Variants in CTNNA3 observed in about 807,000 individuals in gnomAD.
CTNNA3 encodes the protein catenin alpha 3, also known as catenin alpha-3.
In CTNNA3, 76 loss-of-function variants were observed where a neutral mutation model predicts 95.7. That is an observed-to-expected ratio of 0.79 (90% CI 0.66 to 0.96). The LOEUF is 0.96. Among genes scored for constraint, CTNNA3 ranks in the 40% least tolerant of loss-of-function variants. The pLI is 0.00. For synonymous variants in CTNNA3, 431 were observed against 374.4 expected (o/e 1.15, Z -1.74); for missense variants, 1,191 against 1,089.8 (o/e 1.09, Z -1.31).
chr10:65,999,162 C>A (rs2893976), intron 15 of CTNNA3, among the ~76,000 whole-genome samples: 1 of 151,896 alleles, frequency 6.6e-6, no homozygotes, highest in African/African-American at 2.4e-5. Context: ...CTAGATGTTA[C>A]GTACATGGTT....
chr10:67,744,805 A>C (rs1841364759), intron 1 of CTNNA3, among the ~76,000 whole-genome samples: 1 of 152,168 alleles, frequency 6.6e-6, no homozygotes, highest in Non-Finnish European at 1.5e-5. Context: ...CAAATTTACA[A>C]GAAAAAAACA....
chr10:66,131,172 T>A (rs1379420041), intron 13 of CTNNA3, among the ~76,000 whole-genome samples: 1 of 151,886 alleles, frequency 6.6e-6, no homozygotes, highest in Non-Finnish European at 1.5e-5. Flanking sequence ...CTACTGAAAC[T>A]TTTCCAAAAA....
chr10:66,889,052 T>C (rs1305939941), intron 7 of CTNNA3, among the ~76,000 whole-genome samples: 1 of 152,210 alleles, frequency 6.6e-6, no homozygotes, highest in Non-Finnish European at 1.5e-5. Flanking sequence ...TGAAATGAGC[T>C]ATCCAGCCAT....
chr10:67,034,804 A>G (rs1197216090), intron 7 of CTNNA3, among the ~76,000 whole-genome samples: 4 of 152,274 alleles, frequency 2.6e-5, no homozygotes, highest in Admixed American at 2.6e-4. Context: ...CCAACCTACC[A>G]TATCAGTCTT....
chr10:66,044,236 C>T (rs1293063525), intron 15 of CTNNA3, among the ~76,000 whole-genome samples: 1 of 152,184 alleles, frequency 6.6e-6, no homozygotes, highest in African/African-American at 2.4e-5. Context: ...AGGTGATCTA[C>T]CGCCTTGGCC....
chr10:66,703,550 C>T (rs918368879), intron 9 of CTNNA3, among the ~76,000 whole-genome samples: 1 of 152,150 alleles, frequency 6.6e-6, no homozygotes, highest in Non-Finnish European at 1.5e-5. Flanking sequence ...CCTTGAGCCT[C>T]TGGTATAAAT....
At chr10:66,284,472 C>T (rs183670270) in intron 12 of CTNNA3, among the ~76,000 whole-genome samples, 1 of 151,866 alleles carries the variant, frequency 6.6e-6, no homozygotes, top group East Asian at 1.9e-4. Context: ...AATTGCTGCT[C>T]TCCTGGGGGA....
intron 14 of CTNNA3, among the ~76,000 whole-genome samples, chr10:66,089,993 T>C (rs968118546): frequency 6.6e-6 from 1 of 152,028 alleles, no homozygotes; most frequent in Non-Finnish European, 1.5e-5. Context: ...CAGTAGTTTC[T>C]AATTTCATCA....
chr10:67,670,019 G>GT (rs1199214137), intron 1 of CTNNA3, among the ~76,000 whole-genome samples: 1 of 152,202 alleles, frequency 6.6e-6, no homozygotes, highest in Non-Finnish European at 1.5e-5. Context: ...AATAAACTGA[G>GT]TATTTTTTGG....
chr10:66,976,916 A>G (rs779991085), intron 7 of CTNNA3, among the ~76,000 whole-genome samples: 1 of 152,188 alleles, frequency 6.6e-6, no homozygotes, highest in Non-Finnish European at 1.5e-5. Context: ...TGATGTGCTT[A>G]TCATTTGGTT....
chr10:66,134,162 A>G (rs1164807925), intron 13 of CTNNA3, among the ~76,000 whole-genome samples: 3 of 152,114 alleles, frequency 2.0e-5, no homozygotes, highest in Non-Finnish European at 4.4e-5. Context: ...AACTCATAAA[A>G]ACCAAGAAAA....
intron 15 of CTNNA3, among the ~76,000 whole-genome samples, chr10:66,063,776 A>G (rs1402235629): frequency 6.6e-6 from 1 of 151,994 alleles, no homozygotes. Flanking sequence ...CATTTATTCT[A>G]TTTAATTCTA....
chr10:66,109,462 A>G (rs1255989563), intron 13 of CTNNA3, among the ~76,000 whole-genome samples: 1 of 152,174 alleles, frequency 6.6e-6, no homozygotes, highest in Non-Finnish European at 1.5e-5. Flanking sequence ...CATGAGATAT[A>G]ATTAAATATG....
intron 1 of CTNNA3, among the ~76,000 whole-genome samples, chr10:67,715,244 G>C (rs1476997726): frequency 1.3e-5 from 2 of 152,262 alleles, no homozygotes; most frequent in South Asian, 2.1e-4. Context: ...TTCAATAAAT[G>C]GTAGCTATTT....
chr10:65,970,992 T>C (rs1434316081), intron 16 of CTNNA3, among the ~76,000 whole-genome samples: 3 of 151,368 alleles, frequency 2.0e-5, no homozygotes, highest in Non-Finnish European at 4.4e-5. Flanking sequence ...ACCTCTCTTT[T>C]TTTTTTTTTA....
At chr10:67,485,466 T>C (rs929831618) in intron 5 of CTNNA3, among the ~76,000 whole-genome samples, 20 of 152,218 alleles carry the variant, frequency 1.3e-4, no homozygotes, top group Admixed American at 3.9e-4. Context: ...CATGTACATG[T>C]ACAAACCTGC....
rs116318515 is a variant in CTNNA3, at chr10:66,311,320, T to C, written c.1733-30699A>G. 1.7e-3 allele frequency among the ~76,000 whole-genome samples: 254 copies of C among 152,326 alleles called. 2 individuals carry two copies. The highest frequency in any genetic ancestry group is 6.0e-3 in the African/African-American group (248 of 41,592). On this transcript the variant is annotated intron_variant, in intron 12 of 17. Transcript: ENST00000433211. The stretch of plus-strand genomic sequence containing the variant: ...TCAGTATTTTTTTCCTATGGCAAGT[T>C]GCACTAGCTAAAAGTAGCATAAAGA...
intron 2 of CTNNA3, among the ~76,000 whole-genome samples, chr10:67,639,266 T>A (rs1839437459): frequency 6.6e-6 from 1 of 152,132 alleles, no homozygotes; most frequent in African/African-American, 2.4e-5. Flanking sequence ...AAGAAATGGA[T>A]AAATTCCTCG....
At chr10:66,433,440 G>A (rs150235668) in intron 11 of CTNNA3, among the ~76,000 whole-genome samples, 40,262 of 152,032 alleles carry the variant, frequency 0.26, 5,488 homozygotes, top group South Asian at 0.39. Flanking sequence ...CTGCATAAAT[G>A]TCTTCTTTTG....
Sources: gnomAD v4.1 joint callset for allele counts (sites outside exome capture counted in the v4.1 genomes callset) on GRCh38, gnomAD v4.1.1 for gene constraint, MANE v1.5 for transcripts, NCBI Gene and HGNC (gene_info 2026-07-23, HGNC 2026-07-21) for gene names.